The following SDK1 variants were observed in gnomAD, a reference collection of about 807,000 sequenced individuals.
SDK1 encodes sidekick cell adhesion molecule 1, also known as protein sidekick-1.
Under a neutral mutation model 245.5 loss-of-function variants are expected in SDK1, and 157 were observed. The ratio of observed to expected loss-of-function variants is 0.64; its 90% CI spans 0.56 to 0.73. The LOEUF (loss-of-function observed/expected upper bound fraction) is 0.73. SDK1 is among the 30% of genes least tolerant of loss of function. The probability of loss-of-function intolerance (pLI) is 0.00; values close to 1 mark genes in which losing one functional copy is unlikely to be tolerated. For missense variants in SDK1, 3,583 were observed against 3,002.3 expected (o/e 1.19, Z -4.52); for synonymous variants, 1,647 against 1,278.5 (o/e 1.29, Z -6.15).
chr7:3,884,895 C>G (rs1212071003), intron 5 of SDK1, among the ~76,000 whole-genome samples: 1 of 152,214 alleles, frequency 6.6e-6, no homozygotes, highest in Non-Finnish European at 1.5e-5. Context: ...GCTTTAAGGC[C>G]TGGGACTAGG....
chr7:3,357,326 G>GTTTTTTTTTTTTTTTTTTTTTTTTT (rs1780826215), intron 1 of SDK1, among the ~76,000 whole-genome samples: 1 of 50,102 alleles, frequency 2.0e-5, no homozygotes, highest in Non-Finnish European at 4.0e-5. Flanking sequence ...CCTTCTTTTA[G>GTTTTTTTTTTTTTTTTTTTTTTTTT]TGTTTTTTTT....
chr7:3,834,045 T>C (rs1344377862), intron 5 of SDK1, among the ~76,000 whole-genome samples: 3 of 152,118 alleles, frequency 2.0e-5, no homozygotes, highest in Non-Finnish European at 4.4e-5. Flanking sequence ...AGAGTAAACT[T>C]ATTATAGAGG....
chr7:4,005,314 G>A (rs1389207534), intron 14 of SDK1, among the ~76,000 whole-genome samples: 18 of 151,318 alleles, frequency 1.2e-4, no homozygotes, highest in Admixed American at 1.2e-3. Flanking sequence ...CAAAGTGCTG[G>A]GATTACTGCA....
At chr7:3,526,054 C>T (rs1783118845) in intron 1 of SDK1, among the ~76,000 whole-genome samples, 1 of 151,968 alleles carries the variant, frequency 6.6e-6, no homozygotes, top group Non-Finnish European at 1.5e-5. Flanking sequence ...AACCAACATG[C>T]AGAAACCCTG....
At chr7:3,751,028 C>G (rs1472845057) in intron 4 of SDK1, among the ~76,000 whole-genome samples, 1 of 152,162 alleles carries the variant, frequency 6.6e-6, no homozygotes, top group African/African-American at 2.4e-5. Context: ...TGGGCCTGCC[C>G]CCCACCATCA....
At chr7:3,612,624 T>G (rs1052071049) in intron 1 of SDK1, among the ~76,000 whole-genome samples, 40 of 152,214 alleles carry the variant, frequency 2.6e-4, no homozygotes, top group African/African-American at 8.9e-4. Flanking sequence ...TCGCTCATGG[T>G]AAATTCATAA....
Position 3,941,734 on chromosome 7 carries a change from A to T in SDK1, c.848-9189A>T, listed in dbSNP as rs1290307766. Among the ~76,000 whole-genome samples, 8 of 152,064 alleles carry T rather than the reference A, an allele frequency of 5.3e-5. No individual in the cohort carries two copies. The East Asian group carries it at 1.5e-3, about 29-fold the overall frequency. ...TCTGTTCATGTGGCTGCCATCCTCC[A>T]CCAAACTCGAACCTCTTTGACGAAG... On this transcript the variant is annotated intron_variant, in intron 5 of 44. Transcript: ENST00000404826.
At position 3,577,035 on chromosome 7, in the gene SDK1, A is replaced by G. The variant is rs534678876; in HGVS notation, c.299-42045A>G. On this transcript the variant is annotated intron_variant, in intron 1 of 44. Coordinates refer to ENST00000404826, the MANE Select transcript of SDK1 (RefSeq NM_152744.4). The stretch of plus-strand genomic sequence containing the variant: ...GATGCCCTTGTGGCCACCCCCTGAC[A>G]TGACTCCTTATGCCCAATCCACCTT... Among the ~76,000 whole-genome samples, 102 of 152,014 alleles carry G rather than the reference A, an allele frequency of 6.7e-4. 1 individual carries two copies. In the South Asian group the frequency reaches 9.3e-3, roughly 14 times the overall value.
At chr7:4,002,672 A>G (rs1328687080) in intron 14 of SDK1, among the ~76,000 whole-genome samples, 3 of 152,202 alleles carry the variant, frequency 2.0e-5, no homozygotes, top group Non-Finnish European at 4.4e-5. Flanking sequence ...AAACATATAT[A>G]TACACAAATA....
chr7:4,168,843 TAGTC>T (rs1018399905), intron 32 of SDK1, among the ~76,000 whole-genome samples: 2 of 152,164 alleles, frequency 1.3e-5, no homozygotes, highest in Non-Finnish European at 2.9e-5. Flanking sequence ...GTCATGCTGA[TAGTC>T]AGTCCAGAGC....
At chr7:3,780,900 T>C (rs1780712158) in intron 4 of SDK1, among the ~76,000 whole-genome samples, 1 of 152,040 alleles carries the variant, frequency 6.6e-6, no homozygotes, top group South Asian at 2.1e-4. Flanking sequence ...ATGAAGGGGT[T>C]AGATCAGCTT....
Position 3,385,515 on chromosome 7 carries a change from C to G in SDK1, c.298+83631C>G, listed in dbSNP as rs555847721. Among the ~76,000 whole-genome samples the G allele has an allele frequency of 8.4e-4, 127 of 151,932 alleles. 1 individual carries two copies. The highest frequency in any genetic ancestry group is 1.5e-3 in the Non-Finnish European group (101 of 67,998). ...CCATCCTTTTTTTCTAATAAAAAAA[C>G]TCCAGAATCTTCCTGGATTAGCCTC... On this transcript the variant is annotated intron_variant, in intron 1 of 44. Coordinates refer to ENST00000404826, the MANE Select transcript of SDK1 (RefSeq NM_152744.4).
In SDK1 at chr7:4,195,139, C is replaced by A. The variant is rs901865520; in HGVS notation, c.5099-10740C>A. Among the ~76,000 whole-genome samples the A allele has an allele frequency of 2.2e-4, 33 of 152,248 alleles. 1 individual carries two copies. Among genetic ancestry groups the A allele is most frequent in the East Asian group, 1.9e-4 (1 of 5,180 alleles). ...TTTATGGAGCACAAAGTAATGTTTA[C>A]CATGTGGAATGATTAAATCAGGCTA... On this transcript the variant is annotated intron_variant, in intron 35 of 44. Transcript: ENST00000404826.
intron 22 of SDK1, among the ~76,000 whole-genome samples, chr7:4,102,284 A>G (rs554515063): frequency 4.6e-5 from 7 of 152,158 alleles, no homozygotes; most frequent in Non-Finnish European, 1.0e-4. Context: ...ACCTCCTCTC[A>G]GGAGGTTTCA....
intron 12 of SDK1, among the ~76,000 whole-genome samples, chr7:3,973,221 T>A (rs926139935): frequency 6.6e-6 from 1 of 152,206 alleles, no homozygotes; most frequent in Non-Finnish European, 1.5e-5. Flanking sequence ...GTGAGCAGTC[T>A]ATCCATCTCC....
intron 1 of SDK1, among the ~76,000 whole-genome samples, chr7:3,578,351 G>A (rs1407641121): frequency 6.6e-6 from 1 of 152,120 alleles, no homozygotes; most frequent in Non-Finnish European, 1.5e-5. Context: ...GCAAAAAGGA[G>A]AACTAAGATC....
chr7:3,617,921 G>A (rs1328725801), intron 1 of SDK1, among the ~76,000 whole-genome samples: 1 of 152,208 alleles, frequency 6.6e-6, no homozygotes, highest in African/African-American at 2.4e-5. Flanking sequence ...AAATGTGCAA[G>A]AAGTGAAGTG....
intron 1 of SDK1, among the ~76,000 whole-genome samples, chr7:3,352,684 C>G (rs6955021): frequency 0.16 from 24,582 of 152,128 alleles, 3,358 homozygotes; most frequent in African/African-American, 0.37. Context: ...CCATTCCTTC[C>G]CATTTCCATT....
chr7:3,627,903 C>CT (rs1782169833), intron 2 of SDK1, among the ~76,000 whole-genome samples: 1 of 152,176 alleles, frequency 6.6e-6, no homozygotes, highest in Non-Finnish European at 1.5e-5. Flanking sequence ...ATTTCCAGTC[C>CT]TGTTTCTCCC....
Sources: gnomAD v4.1 joint callset for allele counts (sites outside exome capture counted in the v4.1 genomes callset) on GRCh38, gnomAD v4.1.1 for gene constraint, MANE v1.5 for transcripts, NCBI Gene and HGNC (gene_info 2026-07-23, HGNC 2026-07-21) for gene names.